The following LRMDA variants were observed in gnomAD, a reference collection of about 807,000 sequenced individuals.
LRMDA encodes leucine rich melanocyte differentiation associated, also known as leucine-rich melanocyte differentiation-associated protein.
LRMDA carries 18 observed loss-of-function variants against 29.8 expected under a neutral mutation model. The ratio of observed to expected loss-of-function variants is 0.60; its 90% confidence interval spans 0.42 to 0.90. The LOEUF is 0.90. Ranked by LOEUF, LRMDA falls within the 40% of genes least tolerant of loss-of-function variation. The pLI is 0.00. For missense variants in LRMDA, 273 were observed against 273.9 expected, an observed-to-expected ratio of 1.00 and a Z score of 0.02; for synonymous variants, 125 against 109.4, an observed-to-expected ratio of 1.14 and a Z score of -0.89.
intron 2 of LRMDA, among the ~76,000 whole-genome samples, chr10:75,538,378 T>C (rs1839977835): frequency 6.6e-6 from 1 of 152,160 alleles, no homozygotes; most frequent in African/African-American, 2.4e-5. Flanking sequence ...GCATTTCACA[T>C]AGCATGCCTA....
At chr10:75,798,283 A>G (rs770906771) in intron 2 of LRMDA, among the ~76,000 whole-genome samples, 4 of 151,904 alleles carry the variant, frequency 2.6e-5, no homozygotes, top group South Asian at 2.1e-4. Context: ...TCATTTTTTT[A>G]TGGTATGTTT....
chr10:76,407,943 A>G (rs1259042077), intron 6 of LRMDA, among the ~76,000 whole-genome samples: 1 of 152,206 alleles, frequency 6.6e-6, no homozygotes. Flanking sequence ...ACAAGGAGAT[A>G]ATAACTCTCA....
intron 6 of LRMDA, among the ~76,000 whole-genome samples, chr10:76,517,923 AATATATATATATAAACATAT>A (rs1208675989): frequency 1.1e-5 from 1 of 87,544 alleles, no homozygotes; most frequent in African/African-American, 3.6e-5. Context: ...GAAGCAGAGA[AATATATATATATAAACATAT>A]ATATATATAT....
chr10:75,554,837 T>A (rs1589181194), intron 2 of LRMDA, among the ~76,000 whole-genome samples: 1 of 152,208 alleles, frequency 6.6e-6, no homozygotes, highest in Non-Finnish European at 1.5e-5. Context: ...CGTTAAAGGA[T>A]GATTGAGTAG....
intron 6 of LRMDA, among the ~76,000 whole-genome samples, chr10:76,426,904 A>T (rs1215072691): frequency 6.6e-6 from 1 of 152,182 alleles, no homozygotes; most frequent in East Asian, 1.9e-4. Flanking sequence ...GTCAAAGATC[A>T]GAGAGTTGTA....
At chr10:75,773,742 C>G (rs74980671) in intron 2 of LRMDA, among the ~76,000 whole-genome samples, 2,018 of 152,260 alleles carry the variant, frequency 0.013, 52 homozygotes, top group African/African-American at 0.046. Flanking sequence ...TTATATCTTT[C>G]TGAATATGAG....
chr10:75,717,857 C>T (rs1334689220), intron 2 of LRMDA, among the ~76,000 whole-genome samples: 5 of 152,124 alleles, frequency 3.3e-5, no homozygotes, highest in East Asian at 1.9e-4. Flanking sequence ...TTCTGACCAC[C>T]GAGTAGTTCA....
chr10:75,433,736 T>C (rs1650056580), intron 1 of LRMDA, among the ~76,000 whole-genome samples: 1 of 152,102 alleles, frequency 6.6e-6, no homozygotes, highest in Admixed American at 6.5e-5. Flanking sequence ...TGAATATAGT[T>C]TTTATTACAA....
In LRMDA at chr10:76,338,325, T is replaced by C. The variant is rs559511341; in HGVS notation, c.601+13840T>C. On this transcript the variant is annotated intron_variant, in intron 6 of 6. Coordinates refer to ENST00000611255, the MANE Select transcript of LRMDA (RefSeq NM_001305581.2). ...GAGTGATTGAGCCTGTGAATAGCCA[T>C]TGTATTCCAGCCGGGGCAGCATAGT... 2.3e-4 allele frequency among the ~76,000 whole-genome samples: 35 copies of C among 151,850 alleles called. 1 individual carries two copies. The South Asian group carries it at 3.1e-3, about 14-fold the overall frequency.
chr10:76,105,527 A>C lies in LRMDA; in HGVS notation c.516+46744A>C, dbSNP rs188900020. 2.4e-3 allele frequency among the ~76,000 whole-genome samples: 373 copies of C among 152,256 alleles called. 1 individual carries two copies. The highest frequency in any genetic ancestry group is 8.4e-3 in the African/African-American group (351 of 41,562). On this transcript the variant is annotated intron_variant, in intron 5 of 6. Transcript: ENST00000611255. ...TTCTAGGAAAAGTTCTTTTAATAGA[A>C]GAGACAGGGAAACAGACACAGAGAC... is the stretch of plus-strand genomic sequence containing the variant.
chr10:75,435,932 C>G (rs111689354), intron 1 of LRMDA, among the ~76,000 whole-genome samples: 4 of 152,068 alleles, frequency 2.6e-5, no homozygotes, highest in Non-Finnish European at 4.4e-5. Flanking sequence ...CAAGAAAACT[C>G]ATGTCTGCCT....
chr10:76,479,010 C>T (rs1488531519), intron 6 of LRMDA, among the ~76,000 whole-genome samples: 1 of 151,490 alleles, frequency 6.6e-6, no homozygotes, highest in Non-Finnish European at 1.5e-5. Context: ...AACAAACCTG[C>T]ACGTTGTACA....
At chr10:76,201,889 G>A (rs898104951) in intron 5 of LRMDA, among the ~76,000 whole-genome samples, 6 of 152,158 alleles carry the variant, frequency 3.9e-5, no homozygotes, top group Non-Finnish European at 5.9e-5. Flanking sequence ...TTTGGACTCG[G>A]TTGGATGGTT....
chr10:75,452,421 T>G (rs1844472190), intron 2 of LRMDA, among the ~76,000 whole-genome samples: 1 of 152,178 alleles, frequency 6.6e-6, no homozygotes, highest in Admixed American at 6.5e-5. Flanking sequence ...ATCATAGCCT[T>G]GTTTTTTCTT....
chr10:75,623,195 G>A (rs1315782468), intron 2 of LRMDA, among the ~76,000 whole-genome samples: 1 of 152,106 alleles, frequency 6.6e-6, no homozygotes, highest in Non-Finnish European at 1.5e-5. Context: ...TATAATTACT[G>A]TTATAATGCA....
chr10:75,650,603 A>C (rs16932464), intron 2 of LRMDA, among the ~76,000 whole-genome samples: 30,797 of 152,072 alleles, frequency 0.2, 7,747 homozygotes, highest in African/African-American at 0.59. Context: ...TCACAACCAC[A>C]ATTCTTTGCC....
At chr10:75,985,003 A>G (rs552750907) in intron 2 of LRMDA, among the ~76,000 whole-genome samples, 2 of 152,210 alleles carry the variant, frequency 1.3e-5, no homozygotes, top group South Asian at 2.1e-4. Context: ...CATAGGCTTT[A>G]TATGAACTTA....
rs1032460237 is a variant in LRMDA, at chr10:75,649,262, A to G, written c.131+210768A>G. ...TTCACTTAGCCTATGTTCAAGGTTCATATTGTGGCATGTGTCAGAATTTTC... is the reference window on the plus strand; with the variant it reads ...TTCACTTAGCCTATGTTCAAGGTTCGTATTGTGGCATGTGTCAGAATTTTC... On this transcript the variant is annotated intron_variant, in intron 2 of 6. Transcript: ENST00000611255. Among the ~76,000 whole-genome samples the G allele has an allele frequency of 2.0e-5, 3 of 152,308 alleles. No individual in the cohort carries two copies. The South Asian group carries it at 6.2e-4, about 32-fold the overall frequency.
chr10:76,272,104 C>T (rs973693226), intron 5 of LRMDA, among the ~76,000 whole-genome samples: 6 of 152,174 alleles, frequency 3.9e-5, no homozygotes, highest in African/African-American at 1.4e-4. Flanking sequence ...TGGAGGATAG[C>T]ATATGTTATT....
Sources: allele counts gnomAD v4.1 joint callset (sites outside exome capture counted in the v4.1 genomes callset), GRCh38; gene constraint gnomAD v4.1.1; transcripts MANE v1.5; gene names NCBI Gene and HGNC (gene_info 2026-07-23, HGNC 2026-07-21).